Variants in LRBA observed in about 807,000 individuals in gnomAD.
LRBA encodes LPS responsive beige-like anchor protein, also known as lipopolysaccharide-responsive and beige-like anchor protein.
LRBA carries 176 observed loss-of-function variants against 330.0 expected under a neutral mutation model. That is an observed-to-expected ratio of 0.53 (90% confidence interval 0.47 to 0.60). LRBA has a LOEUF of 0.60. LRBA is among the 20% of genes least tolerant of loss of function. The pLI, the probability that LRBA is intolerant of heterozygous loss-of-function variation, is 0.00. For synonymous variants in LRBA, 1,230 were observed against 1,193.0 expected (o/e 1.03, Z -0.64); for missense variants, 3,259 against 3,444.8 (o/e 0.95, Z 1.35).
chr4:150,471,691 C>G lies in LRBA; in HGVS notation c.6600G>C (p.Met2200Ile). The G allele has an allele frequency of 6.2e-7, 1 of 1,609,102 alleles. No homozygotes were observed. Among genetic ancestry groups the G allele is most frequent in the Non-Finnish European group, 8.5e-7 (1 of 1,178,384 alleles). Residue 2200 changes from methionine to isoleucine, a missense_variant, in exon 43 of 57, where the codon ATG (methionine) becomes ATC (isoleucine). Physicochemically the swap from Met to Ile is conservative, Grantham distance 10. Transcript: ENST00000651943. ...TCTCTCTGTGTTGCCATCGCTGGGT[C>G]ATATTAGAAGCCTTAAAAAGCTGAC... The part of the protein sequence containing the change: ...SPRQLFKASN[M>I]TQRWQHREIS...
intron 47 of LRBA, among the ~76,000 whole-genome samples, chr4:150,402,318 C>A (rs1745601511): frequency 6.7e-6 from 1 of 148,700 alleles, no homozygotes; most frequent in Non-Finnish European, 1.5e-5. Context: ...CATATTGCTA[C>A]AAACATTTTA....
intron 44 of LRBA, among the ~76,000 whole-genome samples, chr4:150,450,424 C>T (rs1753197894): frequency 6.6e-6 from 1 of 152,126 alleles, no homozygotes; most frequent in Admixed American, 6.5e-5. Flanking sequence ...CTTGCCTCTT[C>T]CAGGTTCTGG....
At chr4:150,764,723 T>G (rs1340138123) in intron 34 of LRBA, among the ~76,000 whole-genome samples, 3 of 151,980 alleles carry the variant, frequency 2.0e-5, no homozygotes, top group Non-Finnish European at 4.4e-5. Flanking sequence ...CTAGATACCA[T>G]TAGACACCTA....
chr4:150,334,831 G>GT (rs34140293), intron 48 of LRBA, among the ~76,000 whole-genome samples: 4,431 of 113,620 alleles, frequency 0.039, 212 homozygotes, highest in South Asian at 0.12. Context: ...TTTTGTCTTG[G>GT]TTTTTTTTTT....
chr4:150,804,668 T>A (rs1450087740), intron 33 of LRBA, among the ~76,000 whole-genome samples: 1 of 152,186 alleles, frequency 6.6e-6, no homozygotes, highest in Non-Finnish European at 1.5e-5. Flanking sequence ...ATTTTTCAGT[T>A]TGAGGAGAAT....
At chr4:150,922,394 GTATATATA>G (rs56340108) in intron 4 of LRBA, among the ~76,000 whole-genome samples, 1 of 139,708 alleles carries the variant, frequency 7.2e-6, no homozygotes, top group Non-Finnish European at 1.5e-5. Context: ...AGAAACTGTG[GTATATATA>G]TATATATATA....
At chr4:150,294,755 T>G (rs1467319429) in intron 53 of LRBA, among the ~76,000 whole-genome samples, 2 of 152,084 alleles carry the variant, frequency 1.3e-5, no homozygotes, top group Admixed American at 6.5e-5. Flanking sequence ...ATTGAGACCA[T>G]CATGGCCAAC....
At chr4:150,807,074 G>T (rs1742907471) in intron 32 of LRBA, among the ~76,000 whole-genome samples, 1 of 150,184 alleles carries the variant, frequency 6.7e-6, no homozygotes, top group African/African-American at 2.4e-5. Context: ...ATGTATTCAT[G>T]TATACATACA....
At chr4:150,521,688 C>A (rs1284076883) in intron 40 of LRBA, among the ~76,000 whole-genome samples, 1 of 152,190 alleles carries the variant, frequency 6.6e-6, no homozygotes, top group Admixed American at 6.5e-5. Flanking sequence ...TCTAGTTCAA[C>A]TGAATTATGA....
chr4:150,770,661 G>A (rs980753176), intron 34 of LRBA, among the ~76,000 whole-genome samples: 7 of 151,404 alleles, frequency 4.6e-5, no homozygotes, highest in African/African-American at 1.7e-4. Flanking sequence ...TACATTTCTT[G>A]TTCTGTAAAT....
At chr4:150,825,131 T>C (rs553059344) in intron 30 of LRBA, among the ~76,000 whole-genome samples, 3 of 151,936 alleles carry the variant, frequency 2.0e-5, no homozygotes, top group Non-Finnish European at 4.4e-5. Context: ...ATATCAAAAC[T>C]TACAAACACA....
chr4:150,986,594 T>A (rs1741491231), intron 2 of LRBA, among the ~76,000 whole-genome samples: 1 of 152,188 alleles, frequency 6.6e-6, no homozygotes. Context: ...CTATCCCAAC[T>A]GTTTCCAAAC....
At chr4:150,489,589 T>TATTATATATAAGAATATATAA (rs70941410) in intron 41 of LRBA, among the ~76,000 whole-genome samples, 8,606 of 58,888 alleles carry the variant, frequency 0.15, 1,041 homozygotes, top group South Asian at 0.22. Context: ...ATATAATATA[T>TATTATATATAAGAATATATAA]TATATAAGAA....
intron 14 of LRBA, among the ~76,000 whole-genome samples, chr4:150,899,294 G>T (rs143310059): frequency 6.6e-6 from 1 of 152,250 alleles, no homozygotes; most frequent in Non-Finnish European, 1.5e-5. Context: ...AAAGGGGACC[G>T]GCTGCTTGCT....
At chr4:150,984,583 A>G (rs1741220965) in intron 2 of LRBA, among the ~76,000 whole-genome samples, 1 of 152,238 alleles carries the variant, frequency 6.6e-6, no homozygotes, top group African/African-American at 2.4e-5. Context: ...TTCTTAATTG[A>G]CATGCCATCT....
At chr4:150,294,099 G>T (rs1222773537) in intron 53 of LRBA, among the ~76,000 whole-genome samples, 2 of 152,124 alleles carry the variant, frequency 1.3e-5, no homozygotes, top group East Asian at 3.9e-4. Flanking sequence ...CGGTGTGGGG[G>T]GTTGGCACCC....
intron 36 of LRBA, among the ~76,000 whole-genome samples, chr4:150,725,468 A>G (rs1338782457): frequency 1.3e-5 from 2 of 152,216 alleles, no homozygotes; most frequent in African/African-American, 2.4e-5. Flanking sequence ...CTTTTACTCT[A>G]GAATAGTATA....
intron 40 of LRBA, among the ~76,000 whole-genome samples, chr4:150,497,087 TTTA>T: frequency 6.6e-6 from 1 of 152,252 alleles, no homozygotes; most frequent in East Asian, 1.9e-4. Flanking sequence ...GTGCAAATGT[TTTA>T]TGTTACAATA....
intron 14 of LRBA, among the ~76,000 whole-genome samples, chr4:150,899,545 T>G (rs1330908967): frequency 1.3e-5 from 2 of 152,198 alleles, no homozygotes; most frequent in East Asian, 3.8e-4. Flanking sequence ...TTATATGAAC[T>G]GCTAGACATG....
Sources: gnomAD v4.1 joint callset for allele counts (sites outside exome capture counted in the v4.1 genomes callset) on GRCh38, gnomAD v4.1.1 for gene constraint, MANE v1.5 for transcripts, NCBI Gene and HGNC (gene_info 2026-07-23, HGNC 2026-07-21) for gene names.